CERKL: variants seen among roughly 807,000 people sequenced by gnomAD.
CERKL encodes the protein ceramide kinase-like protein.
A neutral mutation model predicts 63.4 loss-of-function variants in CERKL; 61 were observed. The observed-to-expected ratio is 0.96, with a 90% CI of 0.78 to 1.19. The LOEUF (loss-of-function observed/expected upper bound fraction) is 1.19. Ranked by LOEUF, CERKL falls within the 50% of genes most tolerant of loss-of-function variation. The pLI, the probability that CERKL is intolerant of heterozygous loss-of-function variation, is 0.00. For synonymous variants in CERKL, 250 were observed against 230.5 expected, an observed-to-expected ratio of 1.08 and a Z score of -0.77; for missense variants, 675 against 655.5, an observed-to-expected ratio of 1.03 and a Z score of -0.33.
chr2:181,633,447 A>G (rs1211490769), intron 1 of CERKL, among the ~76,000 whole-genome samples: 9 of 152,320 alleles, frequency 5.9e-5, no homozygotes, highest in Admixed American at 3.3e-4. Context: ...AACACAGGAC[A>G]CACTTTCTTG....
intron 11 of CERKL, among the ~76,000 whole-genome samples, chr2:181,541,773 T>C (rs114533950): frequency 3.9e-3 from 589 of 152,134 alleles, no homozygotes; most frequent in Non-Finnish European, 6.9e-3. Context: ...GGACTGGTAG[T>C]GAGGAATGAG....
At chr2:181,542,046 C>T (rs368311132) in intron 11 of CERKL, among the ~76,000 whole-genome samples, 2 of 152,194 alleles carry the variant, frequency 1.3e-5, no homozygotes, top group African/African-American at 2.4e-5. Flanking sequence ...ATCCAGGAGA[C>T]GGCATCCTGA....
At chr2:181,594,226 A>G (rs1023279399) in intron 2 of CERKL, among the ~76,000 whole-genome samples, 3 of 152,234 alleles carry the variant, frequency 2.0e-5, no homozygotes, top group African/African-American at 7.2e-5. Context: ...AGTACTTACT[A>G]ATCTCTGTGC....
chr2:181,585,424 G>A (rs1034282877), intron 2 of CERKL, among the ~76,000 whole-genome samples: 5 of 152,108 alleles, frequency 3.3e-5, no homozygotes, highest in African/African-American at 1.2e-4. Context: ...TAAGCAAAAA[G>A]CTTCTCTTTA....
chr2:181,590,503 TA>T (rs142397341), intron 2 of CERKL, among the ~76,000 whole-genome samples: 27,587 of 151,912 alleles, frequency 0.18, 4,012 homozygotes, highest in African/African-American at 0.4. Context: ...AAAAGTTATA[TA>T]TTGGGAGAAA....
At chr2:181,572,288 G>A (rs1688936105) in intron 3 of CERKL, among the ~76,000 whole-genome samples, 1 of 152,160 alleles carries the variant, frequency 6.6e-6, no homozygotes, top group East Asian at 1.9e-4. Context: ...AGTTATAATG[G>A]TTTTAAGCAT....
chr2:181,592,763 A>G (rs1446658089), intron 2 of CERKL, among the ~76,000 whole-genome samples: 1 of 152,160 alleles, frequency 6.6e-6, no homozygotes, highest in African/African-American at 2.4e-5. Flanking sequence ...TTATCTGTAA[A>G]ATGTAATCAT....
At chr2:181,627,131 C>A (rs1301590752) in intron 1 of CERKL, among the ~76,000 whole-genome samples, 2 of 152,128 alleles carry the variant, frequency 1.3e-5, no homozygotes, top group Non-Finnish European at 2.9e-5. Flanking sequence ...GTTTTCTGAC[C>A]TAAATATTGA....
rs34005238 is a variant in CERKL, at chr2:181,542,630, CAA to C, written c.1365+2068_1365+2069del. 3.2e-3 allele frequency among the ~76,000 whole-genome samples: 445 copies of C among 137,058 alleles called. 5 individuals are homozygous for C. In the East Asian group the frequency reaches 0.05, roughly 15 times the overall value. The allele number at this position is 137,058 out of a possible 152,430, so 89.9% of individuals were successfully genotyped here. ...ATGCAAAATATTTTAGAATTCTTTG[CAA>C]AAAAAAAAAAAATAGCATGGATTTT... On this transcript the variant is annotated intron_variant, in intron 11 of 12. Coordinates refer to ENST00000410087, the MANE Select transcript of CERKL (RefSeq NM_201548.5).
chr2:181,539,651 T>G (rs1025761256), intron 11 of CERKL, among the ~76,000 whole-genome samples: 13 of 152,200 alleles, frequency 8.5e-5, no homozygotes, highest in Non-Finnish European at 1.9e-4. Context: ...AGTACAAGTT[T>G]CACACTTGGA....
chr2:181,618,260 C>T (rs1332074098), intron 1 of CERKL, among the ~76,000 whole-genome samples: 1 of 66,976 alleles, frequency 1.5e-5, no homozygotes, highest in Non-Finnish European at 2.6e-5. Context: ...CTTAAACTTA[C>T]ACAATATTTT....
intron 5 of CERKL, among the ~76,000 whole-genome samples, chr2:181,557,406 T>C (rs927718598): frequency 6.6e-6 from 1 of 152,212 alleles, no homozygotes; most frequent in African/African-American, 2.4e-5. Context: ...CCATCTTGAA[T>C]TAATTTTTGT....
chr2:181,611,378 G>A (rs995562892), intron 1 of CERKL, among the ~76,000 whole-genome samples: 11 of 152,120 alleles, frequency 7.2e-5, no homozygotes, highest in Admixed American at 7.2e-4. Context: ...AAAATGTAGA[G>A]GTCAGTGTAG....
intron 1 of CERKL, among the ~76,000 whole-genome samples, chr2:181,607,143 T>C (rs1685753094): frequency 6.6e-6 from 1 of 152,126 alleles, no homozygotes. Context: ...TCGCCACATA[T>C]CCCATAGCTT....
intron 2 of CERKL, among the ~76,000 whole-genome samples, chr2:181,584,924 TC>T (rs1185735474): frequency 6.6e-6 from 1 of 151,814 alleles, no homozygotes; most frequent in Non-Finnish European, 1.5e-5. Flanking sequence ...ACCTACTCTT[TC>T]CCCTGCTGAC....
chr2:181,650,159 A>AAGGAAGGG (rs1687863057), intron 1 of CERKL: 1 of 142,454 alleles, frequency 7.0e-6, no homozygotes, highest in African/African-American at 2.9e-5. Context: ...GGAAGGAAGG[A>AAGGAAGGG]AGGAAAGAAG....
In CERKL at chr2:181,537,895, T is replaced by G; in HGVS notation, c.*289A>C. On this transcript the variant is annotated 3_prime_UTR_variant, in exon 13 of 13. Transcript: ENST00000410087. ...GGAGGTTAGAGCAATGGAGCATTACTGAGTTCCTCCCCCTGTCAGATCAGC... is the reference window on the plus strand; with the variant it reads ...GGAGGTTAGAGCAATGGAGCATTACGGAGTTCCTCCCCCTGTCAGATCAGC... The G allele has an allele frequency of 1.8e-6, 1 of 557,480 alleles. No homozygotes were observed. The highest frequency in any genetic ancestry group is 3.4e-6 in the Non-Finnish European group (1 of 293,250). The allele number at this position is 557,480 out of a possible 1,614,324, so 34.5% of individuals were successfully genotyped here. A position where few individuals can be genotyped will look rare whatever the true frequency, so the allele number is the denominator to read the frequency against.
chr2:181,584,800 C>T (rs1684689100), intron 2 of CERKL, among the ~76,000 whole-genome samples: 1 of 151,618 alleles, frequency 6.6e-6, no homozygotes, highest in Non-Finnish European at 1.5e-5. Context: ...TATTAAAATC[C>T]CCAAATAGCT....
At position 181,566,097 on chromosome 2, in the gene CERKL, A is replaced by T. The variant is rs1198030369; in HGVS notation, c.638T>A (p.Leu213Gln). ...VTIMEYEGHA[L>Q]SLLKECELQG... ...GAGTTCACATTCCTTAAGCAGTGAC[A>T]GAGCGTGCCCTTCATATTCCATTAC... The change falls in exon 4 of 13, where the codon CTG (leucine) becomes CAG (glutamine). Residue 213 changes from leucine (L) to glutamine (Q), a missense_variant. Physicochemically the swap from Leu to Gln is moderately radical, Grantham distance 113 (BLOSUM62 -2). Coordinates refer to ENST00000410087, the MANE Select transcript of CERKL (RefSeq NM_201548.5). The T allele has an allele frequency of 6.2e-7, 1 of 1,611,218 alleles. No individual in the cohort carries two copies. The highest frequency in any genetic ancestry group is 8.5e-7 in the Non-Finnish European group (1 of 1,177,678).
Sources: allele counts gnomAD v4.1 joint callset (sites outside exome capture counted in the v4.1 genomes callset), GRCh38; gene constraint gnomAD v4.1.1; transcripts MANE v1.5; gene names NCBI Gene and HGNC (gene_info 2026-07-23, HGNC 2026-07-21).